Variants in ADAMTS6 observed in about 807,000 individuals in gnomAD.
The protein encoded by ADAMTS6 is ADAM metallopeptidase with thrombospondin type 1 motif 6, also known as A disintegrin and metalloproteinase with thrombospondin motifs 6.
Under a neutral mutation model 144.3 loss-of-function variants are expected in ADAMTS6, and 23 were observed. That is an observed-to-expected ratio of 0.16 (90% CI 0.11 to 0.23). ADAMTS6 has a LOEUF of 0.23. Ranked by LOEUF, ADAMTS6 falls within the 10% of genes least tolerant of loss-of-function variation. The pLI, the probability that ADAMTS6 is intolerant of heterozygous loss-of-function variation, is 1.00. For missense variants in ADAMTS6, 999 were observed against 1,379.6 expected (o/e 0.72, Z 4.37); for synonymous variants, 444 against 457.5 (o/e 0.97, Z 0.38).
At chr5:65,466,171 G>C (rs10059705) in intron 3 of ADAMTS6, among the ~76,000 whole-genome samples, 1 of 152,028 alleles carries the variant, frequency 6.6e-6, no homozygotes, top group African/African-American at 2.4e-5. Context: ...CTCAGGCCTC[G>C]AACTTGTAGT....
At chr5:65,250,886 C>A (rs1760099446) in intron 14 of ADAMTS6, among the ~76,000 whole-genome samples, 2 of 152,186 alleles carry the variant, frequency 1.3e-5, no homozygotes, top group South Asian at 4.1e-4. Context: ...GGTTTATAAC[C>A]TTTATATAGC....
chr5:65,376,736 T>C (rs1415637176), intron 7 of ADAMTS6, among the ~76,000 whole-genome samples: 1 of 151,822 alleles, frequency 6.6e-6, no homozygotes, highest in Non-Finnish European at 1.5e-5. Flanking sequence ...GAGGCTGATG[T>C]GGAAGGATCA....
chr5:65,356,896 C>T (rs988898712), intron 7 of ADAMTS6, among the ~76,000 whole-genome samples: 5 of 151,728 alleles, frequency 3.3e-5, no homozygotes, highest in Non-Finnish European at 5.9e-5. Flanking sequence ...TACCTCAATT[C>T]TGTTTTATTT....
At chr5:65,444,727 T>A (rs1451141719) in intron 7 of ADAMTS6, among the ~76,000 whole-genome samples, 1 of 152,182 alleles carries the variant, frequency 6.6e-6, no homozygotes, top group Non-Finnish European at 1.5e-5. Context: ...CTGAGGGCCA[T>A]CCTAGAAGTC....
At chr5:65,209,016 G>T (rs1424804304) in intron 20 of ADAMTS6, among the ~76,000 whole-genome samples, 1 of 152,130 alleles carries the variant, frequency 6.6e-6, no homozygotes, top group Non-Finnish European at 1.5e-5. Flanking sequence ...AGCCCTTCAG[G>T]TAACTCTGAT....
At chr5:65,409,215 G>GT (rs200098220) in intron 7 of ADAMTS6, among the ~76,000 whole-genome samples, 55 of 152,022 alleles carry the variant, frequency 3.6e-4, no homozygotes, top group African/African-American at 1.1e-3. Context: ...TCAGGAGCTG[G>GT]TTTTTTTAAA....
intron 13 of ADAMTS6, 149 bp from the exon 14 acceptor site, chr5:65,260,812 A>G: frequency 1.9e-6 from 1 of 528,476 alleles, no homozygotes; most frequent in Non-Finnish European, 3.2e-6. Context: ...CATGCTGGTG[A>G]TTGTTAGCAA....
Position 65,234,038 on chromosome 5 carries a change from T to C in ADAMTS6, c.1934-7819A>G, listed in dbSNP as rs569989191. Among the ~76,000 whole-genome samples, 5 of 148,752 alleles carry C rather than the reference T, an allele frequency of 3.4e-5. No homozygotes were observed. In the South Asian group the frequency reaches 1.1e-3, roughly 32 times the overall value. ...AAAATAGAGTGAGGAGAGGGCAGTC[T>C]CTTCAATAAGTGATGCTGGGGAAAA... On this transcript the variant is annotated intron_variant, in intron 15 of 24. Transcript: ENST00000381055.
intron 22 of ADAMTS6, among the ~76,000 whole-genome samples, chr5:65,183,151 A>G (rs1754464895): frequency 6.6e-6 from 1 of 152,230 alleles, no homozygotes; most frequent in African/African-American, 2.4e-5. Flanking sequence ...ACCTTATGTC[A>G]GAGATGTTCA....
chr5:65,183,458 A>C (rs1363232005), intron 22 of ADAMTS6, among the ~76,000 whole-genome samples: 1 of 151,930 alleles, frequency 6.6e-6, no homozygotes, highest in Non-Finnish European at 1.5e-5. Context: ...CTAATTTATA[A>C]ATTAAACTTT....
intron 14 of ADAMTS6, among the ~76,000 whole-genome samples, chr5:65,256,763 T>C (rs1760692495): frequency 6.6e-6 from 1 of 152,102 alleles, no homozygotes; most frequent in Non-Finnish European, 1.5e-5. Context: ...CCTGCAATTA[T>C]ATAATAATGG....
chr5:65,291,570 C>G (rs1431542463), intron 10 of ADAMTS6, 100 bp from the exon 11 acceptor site: 38 of 1,243,072 alleles, frequency 3.1e-5, no homozygotes, highest in Non-Finnish European at 3.9e-5. Context: ...TAACTTGACG[C>G]ATGAAAAACA....
rs1756765015 is a variant in ADAMTS6 at position 65,214,501 on chromosome 5, G to A, written c.2575+293C>T. On this transcript the variant is annotated intron_variant, in intron 20 of 24. Coordinates refer to ENST00000381055, the MANE Select transcript of ADAMTS6 (RefSeq NM_197941.4). The surrounding 1 kb of genome is among the most constrained non-coding windows in gnomAD (Gnocchi z 4.6). ...ACTTTTGATGTTCTTTACCAAGAAT[G>A]TGTTCACGAAAGGCAAACAGCCCAC... 1 of 453,824 alleles carries A rather than the reference G, an allele frequency of 2.2e-6. No individual in the cohort carries two copies. Among genetic ancestry groups the A allele is most frequent in the Admixed American group, 3.5e-5 (1 of 28,710 alleles). The allele number at this position is 453,824 out of a possible 1,614,324, so 28.1% of individuals were successfully genotyped here.
At chr5:65,275,117 G>C (rs1471640193) in intron 11 of ADAMTS6, among the ~76,000 whole-genome samples, 1 of 149,066 alleles carries the variant, frequency 6.7e-6, no homozygotes, top group Non-Finnish European at 1.5e-5. Flanking sequence ...CAGTTTAGGA[G>C]GTCGAGGTGG....
chr5:65,432,257 C>T (rs1004958214), intron 7 of ADAMTS6, among the ~76,000 whole-genome samples: 49 of 152,014 alleles, frequency 3.2e-4, no homozygotes, highest in African/African-American at 1.2e-3. Flanking sequence ...AAATAAGTTT[C>T]TAAATGGAGT....
chr5:65,290,741 T>C (rs1219624019), intron 11 of ADAMTS6, among the ~76,000 whole-genome samples: 1 of 152,206 alleles, frequency 6.6e-6, no homozygotes. Flanking sequence ...CATTTTCTGA[T>C]GTAGACACTG....
chr5:65,388,225 T>C (rs1244448746), intron 7 of ADAMTS6, among the ~76,000 whole-genome samples: 1 of 151,972 alleles, frequency 6.6e-6, no homozygotes, highest in African/African-American at 2.4e-5. Flanking sequence ...AAAAAAAGAA[T>C]TTGTACAATA....
intron 1 of ADAMTS6, among the ~76,000 whole-genome samples, chr5:65,481,092 T>C (rs1290788720): frequency 7.9e-6 from 1 of 126,926 alleles, no homozygotes; most frequent in Non-Finnish European, 1.7e-5. Context: ...ATTCATAAAA[T>C]AAACGTATTT....
chr5:65,407,326 A>T (rs1754612825), intron 7 of ADAMTS6, among the ~76,000 whole-genome samples: 1 of 151,942 alleles, frequency 6.6e-6, no homozygotes, highest in Non-Finnish European at 1.5e-5. Flanking sequence ...GTGGGGGGCC[A>T]ATATTCAATG....
Sources: gnomAD v4.1 joint callset for allele counts (sites outside exome capture counted in the v4.1 genomes callset) on GRCh38, gnomAD v4.1.1 for gene constraint, Gnocchi (gnomAD v3.1) non-coding constraint, MANE v1.5 for transcripts, NCBI Gene and HGNC (gene_info 2026-07-23, HGNC 2026-07-21) for gene names.